Variants in WWOX observed in about 807,000 individuals in gnomAD.
WWOX encodes the protein WW domain containing oxidoreductase, also known as WW domain-containing oxidoreductase.
WWOX carries 69 observed loss-of-function variants against 46.2 expected under a neutral mutation model. The ratio of observed to expected loss-of-function variants is 1.49; its 90% CI spans 1.23 to 1.82. The LOEUF (loss-of-function observed/expected upper bound fraction) is 1.82. Ranked by LOEUF, WWOX falls within the 40% of genes most tolerant of loss-of-function variation. WWOX has a pLI of 0.00. For missense variants in WWOX, 919 were observed against 542.6 expected, an observed-to-expected ratio of 1.69 and a Z score of -6.89; for synonymous variants, 359 against 202.6, an observed-to-expected ratio of 1.77 and a Z score of -6.56.
intron 8 of WWOX, among the ~76,000 whole-genome samples, chr16:79,158,445 A>G (rs1379761198): frequency 2.0e-5 from 3 of 152,184 alleles, no homozygotes; most frequent in Admixed American, 6.5e-5. Flanking sequence ...CACCCAGCGG[A>G]TGGCGTTTAA....
chr16:78,709,972 C>A (rs1050950307), intron 8 of WWOX, among the ~76,000 whole-genome samples: 9 of 152,120 alleles, frequency 5.9e-5, no homozygotes, highest in African/African-American at 1.9e-4. Flanking sequence ...CTCAGGTGTT[C>A]CACCCTCCTT....
At chr16:78,324,749 A>T (rs974484743) in intron 5 of WWOX, among the ~76,000 whole-genome samples, 8 of 144,548 alleles carry the variant, frequency 5.5e-5, no homozygotes, top group Non-Finnish European at 1.1e-4. Flanking sequence ...ATTTAGAGAT[A>T]GAAAATAGAT....
At chr16:78,567,552 C>CAAAAAAAAAAA (rs71272440) in intron 8 of WWOX, among the ~76,000 whole-genome samples, 4 of 52,128 alleles carry the variant, frequency 7.7e-5, no homozygotes, top group African/African-American at 2.3e-4. Flanking sequence ...GACTCCGTCT[C>CAAAAAAAAAAA]AAAAAAAAAA....
intron 8 of WWOX, among the ~76,000 whole-genome samples, chr16:78,556,113 A>G (rs1239163800): frequency 6.6e-6 from 1 of 152,116 alleles, no homozygotes; most frequent in African/African-American, 2.4e-5. Flanking sequence ...TAGAGGGTCA[A>G]TTAGAGACCA....
intron 5 of WWOX, among the ~76,000 whole-genome samples, chr16:78,247,253 G>A (rs1437240922): frequency 6.6e-6 from 1 of 152,062 alleles, no homozygotes; most frequent in Non-Finnish European, 1.5e-5. Context: ...CACTGACATT[G>A]TTTGGAATCA....
At chr16:78,250,580 A>G (rs1483551951) in intron 5 of WWOX, among the ~76,000 whole-genome samples, 1 of 152,172 alleles carries the variant, frequency 6.6e-6, no homozygotes, top group African/African-American at 2.4e-5. Context: ...ATTAACCTCA[A>G]TAGGAAAGGC....
chr16:79,001,287 C>G (rs868748684), intron 8 of WWOX, among the ~76,000 whole-genome samples: 1 of 152,072 alleles, frequency 6.6e-6, no homozygotes, highest in African/African-American at 2.4e-5. Flanking sequence ...CCCCTAAATC[C>G]AGCACACAAT....
chr16:78,496,205 T>G (rs966092879), intron 8 of WWOX: 2 of 152,170 alleles, frequency 1.3e-5, no homozygotes, highest in Non-Finnish European at 2.9e-5. Flanking sequence ...CCTGACTACT[T>G]GAAACACGAC....
intron 8 of WWOX, among the ~76,000 whole-genome samples, chr16:79,155,106 G>C (rs532510458): frequency 8.5e-5 from 13 of 152,338 alleles, no homozygotes; most frequent in African/African-American, 3.1e-4. Context: ...AGCCGGGAAT[G>C]GTGGCTCACG....
intron 8 of WWOX, among the ~76,000 whole-genome samples, chr16:78,528,710 G>T (rs1488988091): frequency 6.6e-6 from 1 of 151,998 alleles, no homozygotes; most frequent in Admixed American, 6.6e-5. Context: ...TTTATTAATT[G>T]ATTTTTAAAT....
intron 5 of WWOX, among the ~76,000 whole-genome samples, chr16:78,374,979 C>G (rs933296294): frequency 2.6e-5 from 4 of 152,184 alleles, no homozygotes; most frequent in Non-Finnish European, 4.4e-5. Context: ...AGCCACTGCG[C>G]CTGTCTACAT....
chr16:78,588,394 G>C (rs2151598606), intron 8 of WWOX, among the ~76,000 whole-genome samples: 1 of 152,304 alleles, frequency 6.6e-6, no homozygotes, highest in East Asian at 1.9e-4. Context: ...TGGGGGGCCA[G>C]GATGGGGCTA....
intron 8 of WWOX, among the ~76,000 whole-genome samples, chr16:78,828,243 A>T (rs1254997044): frequency 6.6e-6 from 1 of 152,188 alleles, no homozygotes; most frequent in Non-Finnish European, 1.5e-5. Context: ...AGTGGCAAAG[A>T]CAATGACAAT....
At chr16:78,564,148 C>A (rs914854721) in intron 8 of WWOX, among the ~76,000 whole-genome samples, 1 of 152,200 alleles carries the variant, frequency 6.6e-6, no homozygotes, top group Admixed American at 6.5e-5. Context: ...TGAGCCCAGC[C>A]CAAATTGCTG....
intron 5 of WWOX, among the ~76,000 whole-genome samples, chr16:78,335,527 T>G (rs1381102247): frequency 6.6e-6 from 1 of 152,208 alleles, no homozygotes; most frequent in Admixed American, 6.5e-5. Context: ...CTATCATTTA[T>G]GAGCATTTGG....
intron 5 of WWOX, among the ~76,000 whole-genome samples, chr16:78,172,380 G>A (rs921211322): frequency 5.3e-5 from 8 of 152,136 alleles, no homozygotes; most frequent in Non-Finnish European, 1.0e-4. Flanking sequence ...GCTCAGGGAA[G>A]ATTCTTTATC....
intron 8 of WWOX, among the ~76,000 whole-genome samples, chr16:78,489,591 G>T (rs1056682648): frequency 2.0e-5 from 3 of 152,064 alleles, no homozygotes; most frequent in African/African-American, 7.2e-5. Context: ...ACTGAATTTG[G>T]ACAGGGCTTC....
At chr16:78,926,665 C>G (rs539321015) in intron 8 of WWOX, among the ~76,000 whole-genome samples, 150 of 152,214 alleles carry the variant, frequency 9.9e-4, no homozygotes, top group African/African-American at 3.5e-3. Flanking sequence ...CTGGTATGAC[C>G]TTTATCATTT....
intron 5 of WWOX, among the ~76,000 whole-genome samples, chr16:78,329,043 G>T (rs879819661): frequency 2.6e-5 from 4 of 151,586 alleles, no homozygotes; most frequent in African/African-American, 9.7e-5. Flanking sequence ...CTTTTTTTTC[G>T]TAGGACGAGG....
Sources: gnomAD v4.1 joint callset for allele counts (sites outside exome capture counted in the v4.1 genomes callset) on GRCh38, gnomAD v4.1.1 for gene constraint, MANE v1.5 for transcripts, NCBI Gene and HGNC (gene_info 2026-07-23, HGNC 2026-07-21) for gene names.